Variants in GLG1 observed in about 807,000 individuals in gnomAD.
The protein encoded by GLG1 is Golgi apparatus protein 1.
In GLG1, 38 loss-of-function variants were observed where a neutral mutation model predicts 160.5. The observed-to-expected ratio is 0.24, with a 90% CI of 0.18 to 0.31. GLG1 has a LOEUF of 0.31. Ranked by LOEUF, GLG1 falls within the 10% of genes least tolerant of loss-of-function variation. The pLI is 1.00. For missense variants in GLG1, 1,373 were observed against 1,505.2 expected, an observed-to-expected ratio of 0.91 and a Z score of 1.45; for synonymous variants, 644 against 543.4, an observed-to-expected ratio of 1.19 and a Z score of -2.57.
chr16:74,585,488 T>G (rs965931257), intron 1 of GLG1, among the ~76,000 whole-genome samples: 1 of 151,956 alleles, frequency 6.6e-6, no homozygotes. Flanking sequence ...GGGCGGATCA[T>G]GAGGTCATGA....
chr16:74,596,454 G>C (rs922317094), intron 1 of GLG1, among the ~76,000 whole-genome samples: 1 of 151,832 alleles, frequency 6.6e-6, no homozygotes, highest in Non-Finnish European at 1.5e-5. Flanking sequence ...GCTTGAACTC[G>C]GGAGGCAGAG....
At position 74,494,760 on chromosome 16, in the gene GLG1, C is replaced by G. The variant is rs777081574; in HGVS notation, c.1050G>C (p.Lys350Asn). Residue 350 changes from lysine to asparagine, a missense_variant and splice_region_variant, in exon 6 of 26, where the codon AAG (lysine) becomes AAC (asparagine). Physicochemically the swap from Lys to Asn is moderately conservative, Grantham distance 94 (BLOSUM62 0). Transcript: ENST00000422840. ...TCATTAGTTTCAAAATAATACTTACCTTTTCACTCATGGATTCTTCAAATT... is the reference window on the plus strand; with the variant it reads ...TCATTAGTTTCAAAATAATACTTACGTTTTCACTCATGGATTCTTCAAATT... ...NHKFEESMSE[K>N]CREALTTRQK... The G allele has an allele frequency of 7.6e-7, 1 of 1,308,538 alleles. No individual in the cohort carries two copies. The highest frequency in any genetic ancestry group is 1.2e-5 in the South Asian group (1 of 84,924). The allele number at this position is 1,308,538 out of a possible 1,614,324, so 81.1% of individuals were successfully genotyped here.
In GLG1 at chr16:74,540,052, TATATTTTA is replaced by T. The variant is rs1354178832; in HGVS notation, c.439-7907_439-7900del. Among the ~76,000 whole-genome samples the T allele has an allele frequency of 7.7e-4, 2 of 2,586 alleles. 1 individual carries two copies. The highest frequency in any genetic ancestry group is 2.0e-3 in the African/African-American group (2 of 1,010). The allele number at this position is 2,586 out of a possible 152,430, so 1.7% of individuals were successfully genotyped here. A position where few individuals can be genotyped will look rare whatever the true frequency, so the allele number is the denominator to read the frequency against. On this transcript the variant is annotated intron_variant, in intron 1 of 25. Transcript: ENST00000422840. Reference sequence around the variant, plus strand: ...ATATATATTTTATATATATATTATATATATTTTATATATATATATTATATATATTTTAT... The same window carrying T: ...ATATATATTTTATATATATATTATATTATATATATATTATATATATTTTAT...
intron 25 of GLG1, among the ~76,000 whole-genome samples, chr16:74,455,302 C>T (rs1470691500): frequency 6.6e-6 from 1 of 152,134 alleles, no homozygotes; most frequent in Non-Finnish European, 1.5e-5. Context: ...TGTTTCTATG[C>T]TCATATCACG....
At chr16:74,507,633 G>A (rs2016658972) in intron 3 of GLG1, among the ~76,000 whole-genome samples, 1 of 152,052 alleles carries the variant, frequency 6.6e-6, no homozygotes, top group Admixed American at 6.6e-5. Context: ...TTACTTGGGA[G>A]GCTGAGGCAG....
chr16:74,533,117 G>A (rs2017591337), intron 1 of GLG1, among the ~76,000 whole-genome samples: 1 of 151,834 alleles, frequency 6.6e-6, no homozygotes, highest in South Asian at 2.1e-4. Context: ...TCAGGAGATC[G>A]AGACCATCCT....
chr16:74,476,844 G>T (rs191377507), intron 12 of GLG1, among the ~76,000 whole-genome samples: 3 of 152,276 alleles, frequency 2.0e-5, no homozygotes, highest in Non-Finnish European at 4.4e-5. Flanking sequence ...TGTCAACCAG[G>T]TGAGAAAAAA....
In GLG1 at chr16:74,469,401, A is replaced by G. The variant is rs1597233273; in HGVS notation, c.2319-338T>C. 2.7e-5 allele frequency: 7 copies of G among 259,428 alleles called. No individual in the cohort carries two copies. In the South Asian group the frequency reaches 6.4e-4, roughly 24 times the overall value. The allele number at this position is 259,428 out of a possible 1,614,324, so 16.1% of individuals were successfully genotyped here. ...AACTCTAGGACTGTACTTTTGACCTACTGTGAAACTCACTCCTGAAAGGTA... is the reference window on the plus strand; with the variant it reads ...AACTCTAGGACTGTACTTTTGACCTGCTGTGAAACTCACTCCTGAAAGGTA... On this transcript the variant is annotated intron_variant, in intron 16 of 25. Transcript: ENST00000422840.
chr16:74,470,951 T>G (rs1386190392), intron 15 of GLG1, among the ~76,000 whole-genome samples: 4 of 151,692 alleles, frequency 2.6e-5, no homozygotes, highest in African/African-American at 9.7e-5. Context: ...GAGACGGAGT[T>G]TCACCATGTT....
chr16:74,471,546 G>A (rs1258532908), intron 14 of GLG1, among the ~76,000 whole-genome samples: 1 of 152,012 alleles, frequency 6.6e-6, no homozygotes, highest in Non-Finnish European at 1.5e-5. Flanking sequence ...CTGGCTTTTG[G>A]GACAATATCT....
intron 1 of GLG1, among the ~76,000 whole-genome samples, chr16:74,558,545 T>G (rs1224748462): frequency 1.3e-5 from 2 of 152,274 alleles, no homozygotes; most frequent in African/African-American, 2.4e-5. Context: ...GACTTTAACC[T>G]GCATGGCTTT....
intron 1 of GLG1, among the ~76,000 whole-genome samples, chr16:74,580,774 A>G (rs1957921313): frequency 6.6e-6 from 1 of 152,182 alleles, no homozygotes; most frequent in African/African-American, 2.4e-5. Context: ...TGAGAGGTTA[A>G]TATTCAGAAT....
At chr16:74,553,370 C>G (rs1479551339) in intron 1 of GLG1, among the ~76,000 whole-genome samples, 1 of 151,782 alleles carries the variant, frequency 6.6e-6, no homozygotes, top group East Asian at 1.9e-4. Context: ...CTACTATTTT[C>G]TTCAAAATTT....
chr16:74,506,460 T>C (rs1411711259), intron 3 of GLG1, among the ~76,000 whole-genome samples: 2 of 151,322 alleles, frequency 1.3e-5, no homozygotes, highest in Admixed American at 6.6e-5. Context: ...CAGGTGCCTG[T>C]AGTCCCAGCT....
At chr16:74,512,254 A>G (rs1166656842) in intron 2 of GLG1, among the ~76,000 whole-genome samples, 2 of 140,162 alleles carry the variant, frequency 1.4e-5, no homozygotes, top group Non-Finnish European at 3.0e-5. Flanking sequence ...CGCCTGGGTG[A>G]CAGAGCGAGA....
chr16:74,495,702 G>C (rs1325663724), intron 5 of GLG1, among the ~76,000 whole-genome samples: 1 of 152,140 alleles, frequency 6.6e-6, no homozygotes, highest in Non-Finnish European at 1.5e-5. Context: ...CAAAGTTTTA[G>C]CCATTGAATA....
intron 1 of GLG1, among the ~76,000 whole-genome samples, chr16:74,549,978 C>A (rs1399735341): frequency 6.6e-6 from 1 of 152,158 alleles, no homozygotes; most frequent in Admixed American, 6.5e-5. Flanking sequence ...GTTAGCCGGG[C>A]GTGGTGGGAG....
At chr16:74,510,582 A>G (rs1355200816) in intron 2 of GLG1, among the ~76,000 whole-genome samples, 1 of 152,180 alleles carries the variant, frequency 6.6e-6, no homozygotes, top group East Asian at 1.9e-4. Context: ...AGGGGGGTAC[A>G]TTCCTCTCTG....
At chr16:74,570,288 A>G in intron 1 of GLG1, among the ~76,000 whole-genome samples, 1 of 152,264 alleles carries the variant, frequency 6.6e-6, no homozygotes, top group Non-Finnish European at 1.5e-5. Context: ...TAAAACCACC[A>G]GCTATTTGTC....
Sources: allele counts gnomAD v4.1 joint callset (sites outside exome capture counted in the v4.1 genomes callset), GRCh38; gene constraint gnomAD v4.1.1; transcripts MANE v1.5; gene names NCBI Gene and HGNC (gene_info 2026-07-23, HGNC 2026-07-21).